ZNF280D: variants seen among roughly 807,000 people sequenced by gnomAD.
ZNF280D encodes suppressor of hairy wing homolog 4.
ZNF280D carries 39 observed loss-of-function variants against 94.7 expected under a neutral mutation model. The observed-to-expected ratio is 0.41, with a 90% CI of 0.32 to 0.54. ZNF280D has a LOEUF of 0.54. Ranked by LOEUF, ZNF280D falls within the 20% of genes least tolerant of loss-of-function variation. The pLI, the probability that ZNF280D is intolerant of heterozygous loss-of-function variation, is 0.22. For missense variants in ZNF280D, 1,090 were observed against 1,149.3 expected (o/e 0.95, Z 0.75); for synonymous variants, 398 against 377.6 (o/e 1.05, Z -0.63).
chr15:56,721,963 G>C (rs182231855), intron 1 of ZNF280D, among the ~76,000 whole-genome samples: 77 of 152,180 alleles, frequency 5.1e-4, no homozygotes, highest in African/African-American at 1.8e-3. Flanking sequence ...ATAATTTCTA[G>C]TTCTTTTTAT....
At chr15:56,694,203 C>A (rs939108349) in intron 6 of ZNF280D, among the ~76,000 whole-genome samples, 2 of 151,586 alleles carry the variant, frequency 1.3e-5, no homozygotes, top group African/African-American at 4.9e-5. Flanking sequence ...TATGAGCATA[C>A]ATACATGGTG....
At chr15:56,670,272 C>T (rs1292744550) in intron 13 of ZNF280D, among the ~76,000 whole-genome samples, 2 of 149,870 alleles carry the variant, frequency 1.3e-5, no homozygotes, top group African/African-American at 2.5e-5. Flanking sequence ...ACGTGTATCC[C>T]GGAGGTTTTT....
chr15:56,682,083 C>T (rs2141003226), intron 10 of ZNF280D, among the ~76,000 whole-genome samples, 171 bp downstream of exon 10: 1 of 152,094 alleles, frequency 6.6e-6, no homozygotes, highest in African/African-American at 2.4e-5. Context: ...AGTCAAACTC[C>T]ACAACACAAG....
intron 9 of ZNF280D, 101 bp from the exon 10 acceptor site, chr15:56,682,578 T>C (rs1188101253): frequency 2.9e-6 from 2 of 697,574 alleles, no homozygotes; most frequent in African/African-American, 3.8e-5. Context: ...GCCAGACCAT[T>C]AAAACTATGC....
At chr15:56,669,524 A>G (rs2054530306) in intron 13 of ZNF280D, among the ~76,000 whole-genome samples, 1 of 151,774 alleles carries the variant, frequency 6.6e-6, no homozygotes. Flanking sequence ...GTGGTTATTG[A>G]GCACCTGAAA....
chr15:56,707,437 T>A (rs1043087357), intron 1 of ZNF280D, 131 bp from the exon 2 acceptor site: 10 of 662,892 alleles, frequency 1.5e-5, no homozygotes, highest in African/African-American at 1.9e-5. Flanking sequence ...TCATTTTACA[T>A]AATTGGTTCA....
intron 4 of ZNF280D, 88 bp downstream of exon 4, chr15:56,704,033 A>C: frequency 4.2e-6 from 6 of 1,412,102 alleles, no homozygotes; most frequent in Non-Finnish European, 5.8e-6. Flanking sequence ...TGGAACATGA[A>C]CATCAACTAC....
chr15:56,675,780 A>C (rs2055191546), intron 13 of ZNF280D, among the ~76,000 whole-genome samples: 1 of 152,086 alleles, frequency 6.6e-6, no homozygotes, highest in Non-Finnish European at 1.5e-5. Context: ...ACCAATGCTG[A>C]ATAAATTGGC....
At chr15:56,732,413 G>A (rs1567057426) in intron 1 of ZNF280D, among the ~76,000 whole-genome samples, 1 of 152,190 alleles carries the variant, frequency 6.6e-6, no homozygotes. Flanking sequence ...GCCTTCCCTG[G>A]TTAAGTTTCT....
intron 1 of ZNF280D, chr15:56,724,877 A>AT (rs767724108): frequency 1.5e-5 from 7 of 453,408 alleles, no homozygotes; most frequent in East Asian, 7.0e-5. Context: ...TGTCAGATCT[A>AT]TTTTTTTTCT....
At chr15:56,688,093 CT>C (rs2056156863) in intron 9 of ZNF280D, among the ~76,000 whole-genome samples, 2 of 152,030 alleles carry the variant, frequency 1.3e-5, no homozygotes, top group African/African-American at 4.8e-5. Flanking sequence ...TACAGACCAT[CT>C]CTACACAAAC....
At chr15:56,666,359 T>C (rs1053106356) in intron 16 of ZNF280D, 36 bp downstream of exon 16, 1 of 1,592,166 alleles carries the variant, frequency 6.3e-7, no homozygotes, top group Non-Finnish European at 8.5e-7. Context: ...TGAACTATAA[T>C]TTTAATTGGC....
At chr15:56,732,660 T>A (rs1213152081) in intron 1 of ZNF280D, 1 of 152,170 alleles carries the variant, frequency 6.6e-6, no homozygotes, top group Non-Finnish European at 1.5e-5. Flanking sequence ...AGGTCTCCCG[T>A]GCTTGCAGAA....
At chr15:56,639,921 GGA>G (rs1216093778) in intron 20 of ZNF280D, among the ~76,000 whole-genome samples, 1 of 151,986 alleles carries the variant, frequency 6.6e-6, no homozygotes, top group African/African-American at 2.4e-5. Flanking sequence ...GTTGAGGCGG[GGA>G]GTCTGGGAGG....
intron 13 of ZNF280D, among the ~76,000 whole-genome samples, chr15:56,670,539 G>A (rs2054791055): frequency 6.6e-6 from 1 of 152,058 alleles, no homozygotes; most frequent in Non-Finnish European, 1.5e-5. Flanking sequence ...TTCTTTGGCT[G>A]CATAGTATTC....
chr15:56,724,776 GT>G, intron 1 of ZNF280D: 3 of 372,804 alleles, frequency 8.0e-6, no homozygotes, highest in Non-Finnish European at 1.1e-5. Flanking sequence ...GACATCTGTT[GT>G]GTATAACTTC....
intron 7 of ZNF280D, among the ~76,000 whole-genome samples, chr15:56,691,844 A>G (rs1329846239): frequency 6.6e-6 from 1 of 152,198 alleles, no homozygotes; most frequent in Non-Finnish European, 1.5e-5. Flanking sequence ...TTAAAGTTAC[A>G]TGTCCAAATG....
intron 19 of ZNF280D, among the ~76,000 whole-genome samples, chr15:56,648,259 T>C (rs930284754): frequency 6.6e-6 from 1 of 152,120 alleles, no homozygotes; most frequent in Non-Finnish European, 1.5e-5. Context: ...GACCAGTTTA[T>C]ACCATTCTTT....
At position 56,635,237 on chromosome 15, in the gene ZNF280D, G is replaced by T. The variant is rs1261948998; in HGVS notation, c.2273C>A (p.Pro758His). 3.3e-6 allele frequency: 5 copies of T among 1,529,892 alleles called. 1 individual carries two copies. The Admixed American group carries it at 1.0e-4, about 32-fold the overall frequency. 94.8% of individuals were successfully genotyped at this position (1,529,892 alleles called of 1,614,324 possible). The change falls in exon 21 of 22, where the codon CCT becomes CAT. Residue 758 changes from proline (P) to histidine (H), a missense_variant. By Grantham distance (77) the Pro-to-His change is moderately conservative. Coordinates refer to ENST00000267807, the MANE Select transcript of ZNF280D (RefSeq NM_017661.4). ...TTCTGTTTCTCTTTCAGCCATGTTA[G>T]GTCTTGCAATTTCCTGAAATAATTA... ...QEPVSKEIAR[P>H]NMAERETETS...
Sources: allele counts gnomAD v4.1 joint callset (sites outside exome capture counted in the v4.1 genomes callset), GRCh38; gene constraint gnomAD v4.1.1; transcripts MANE v1.5; gene names NCBI Gene and HGNC (gene_info 2026-07-23, HGNC 2026-07-21).